TLE1: variants seen among roughly 807,000 people sequenced by gnomAD.
TLE1 encodes transducin-like enhancer protein 1.
TLE1 carries 21 observed loss-of-function variants against 89.8 expected under a neutral mutation model. The ratio of observed to expected loss-of-function variants is 0.23; its 90% CI spans 0.17 to 0.34. TLE1 has a LOEUF of 0.34. Ranked by LOEUF, TLE1 falls within the 10% of genes least tolerant of loss-of-function variation. The pLI, the probability that TLE1 is intolerant of heterozygous loss-of-function variation, is 1.00. For missense variants in TLE1, 795 were observed against 1,031.2 expected (o/e 0.77, Z 3.14); for synonymous variants, 447 against 407.6 (o/e 1.10, Z -1.16).
chr9:81,640,709 T>G (rs935588863), intron 6 of TLE1, among the ~76,000 whole-genome samples: 1 of 152,182 alleles, frequency 6.6e-6, no homozygotes, highest in South Asian at 2.1e-4. Flanking sequence ...TTGGGTCAAT[T>G]ATATTACTAT....
intron 14 of TLE1, 21 bp downstream of exon 14, chr9:81,610,199 C>A (rs1823518112): frequency 6.2e-7 from 1 of 1,608,520 alleles, no homozygotes; most frequent in Non-Finnish European, 8.5e-7. Context: ...AAAACAAAAC[C>A]AAGGTCTTTG....
rs768323292 is a variant in TLE1 at position 81,584,192 on chromosome 9, A to G, written c.*6T>C. 5.0e-6 allele frequency: 8 copies of G among 1,610,414 alleles called. No individual in the cohort carries two copies. The highest frequency in any genetic ancestry group is 6.8e-6 in the Non-Finnish European group (8 of 1,176,734). On this transcript the variant is annotated 3_prime_UTR_variant, in exon 20 of 20. Coordinates refer to ENST00000376499, the MANE Select transcript of TLE1 (RefSeq NM_005077.5). ...TCAACTATAAACGTTAAACCACATA[A>G]TGTTTTCAGTAGATGACTTCATAGA...
At position 81,634,210 on chromosome 9, in the gene TLE1, A is replaced by G; in HGVS notation, c.464T>C (p.Ile155Thr). The change falls in exon 7 of 20, where the codon ATC (isoleucine) becomes ACC (threonine). Residue 155 changes from isoleucine (I) to threonine (T), a missense_variant. Transcript: ENST00000376499. ...PHPSGLQPPGIPPLGGSAGLL... is the reference protein window; with the variant it reads ...PHPSGLQPPGTPPLGGSAGLL... ...GCCGGCACTGCCCCCGAGGGGCGGG[A>G]TTCCAGGAGGCTGAAGTCCCGAAGG... 1 of 1,590,768 alleles carries G rather than the reference A, an allele frequency of 6.3e-7. No homozygotes were observed. Among genetic ancestry groups the G allele is most frequent in the Non-Finnish European group, 8.6e-7 (1 of 1,166,890 alleles).
intron 4 of TLE1, among the ~76,000 whole-genome samples, chr9:81,669,675 C>T (rs573803075): frequency 6.6e-6 from 1 of 152,242 alleles, no homozygotes; most frequent in East Asian, 1.9e-4. Context: ...CTGCGCATTG[C>T]TGCTAAATAA....
intron 4 of TLE1, among the ~76,000 whole-genome samples, chr9:81,664,854 T>TG (rs1464173425): frequency 6.6e-6 from 1 of 152,192 alleles, no homozygotes; most frequent in African/African-American, 2.4e-5. Flanking sequence ...GAGTTCCTGT[T>TG]GGAGTCTAGG....
intron 7 of TLE1, 54 bp downstream of exon 7, chr9:81,634,043 A>C: frequency 6.5e-7 from 1 of 1,545,926 alleles, no homozygotes; most frequent in African/African-American, 1.4e-5. Context: ...ACAACTTTGC[A>C]GCACTGTAAG....
chr9:81,587,910 G>GTGTGTGTGTGTGTGTGTGTCATCCCACC, intron 16 of TLE1, 82 bp from the exon 17 acceptor site: 1 of 797,606 alleles, frequency 1.3e-6, no homozygotes, highest in East Asian at 3.2e-5. Flanking sequence ...TTTGGACCGT[G>GTGTGTGTGTGTGTGTGTGTCATCCCACC]TGTGTGTGTG....
At chr9:81,585,729 T>C in intron 17 of TLE1, 74 bp from the exon 18 acceptor site, 1 of 1,553,152 alleles carries the variant, frequency 6.4e-7, no homozygotes, top group Non-Finnish European at 8.7e-7. Context: ...ATGTGAAAAG[T>C]GGGGAAATAG....
intron 14 of TLE1, 112 bp downstream of exon 14, chr9:81,610,108 G>C (rs2132041238): frequency 1.1e-6 from 1 of 922,928 alleles, no homozygotes; most frequent in Non-Finnish European, 1.7e-6. Context: ...AAAGACACCA[G>C]AAATCTCCTT....
intron 11 of TLE1, among the ~76,000 whole-genome samples, chr9:81,615,081 CAAAAAAAAAAAAAAAAAAAAAAA>C (rs34947337): frequency 0.075 from 1,892 of 25,166 alleles, 83 homozygotes; most frequent in Non-Finnish European, 0.098. Context: ...GACTCCATCT[CAAAAAAAAAAAAAAAAAAAAAAA>C]AAAAAAAAAA....
intron 14 of TLE1, among the ~76,000 whole-genome samples, chr9:81,604,916 T>C (rs183196057): frequency 9.3e-4 from 142 of 152,212 alleles, no homozygotes; most frequent in African/African-American, 3.4e-3. Flanking sequence ...TCTTTACATG[T>C]CTCCCTATCA....
At chr9:81,623,950 G>T (rs1446827457) in intron 8 of TLE1, among the ~76,000 whole-genome samples, 1 of 152,048 alleles carries the variant, frequency 6.6e-6, no homozygotes, top group African/African-American at 2.4e-5. Context: ...GGAGGACTAG[G>T]ATGTCCAGAG....
chr9:81,610,801 C>G (rs1326059764), intron 13 of TLE1, among the ~76,000 whole-genome samples: 1 of 123,450 alleles, frequency 8.1e-6, no homozygotes, highest in South Asian at 2.8e-4. Context: ...TATCAAATGT[C>G]CTCAAGGGAC....
chr9:81,651,812 T>C (rs2132621671), intron 6 of TLE1, among the ~76,000 whole-genome samples: 1 of 152,082 alleles, frequency 6.6e-6, no homozygotes, highest in Admixed American at 6.5e-5. Context: ...ACTACATTTA[T>C]TTTCCCACTT....
chr9:81,651,015 T>G (rs932535988), intron 6 of TLE1, among the ~76,000 whole-genome samples: 8 of 151,350 alleles, frequency 5.3e-5, no homozygotes, highest in Non-Finnish European at 1.2e-4. Flanking sequence ...GGCTCTTATG[T>G]TTTTTCTCCA....
chr9:81,590,273 C>A (rs1829291886), intron 16 of TLE1, among the ~76,000 whole-genome samples: 1 of 152,224 alleles, frequency 6.6e-6, no homozygotes, highest in Non-Finnish European at 1.5e-5. Context: ...TGCCAGAAGG[C>A]CAGGCAGAGC....
intron 4 of TLE1, among the ~76,000 whole-genome samples, chr9:81,659,144 G>A (rs1322524102): frequency 6.6e-6 from 1 of 151,990 alleles, no homozygotes; most frequent in Non-Finnish European, 1.5e-5. Flanking sequence ...CCTGATCCTC[G>A]TGATCCGCCC....
intron 14 of TLE1, among the ~76,000 whole-genome samples, chr9:81,608,190 T>C (rs563441501): frequency 7.3e-5 from 11 of 151,446 alleles, no homozygotes; most frequent in African/African-American, 2.7e-4. Flanking sequence ...AGGAGGACTG[T>C]GTGAAGCCAG....
chr9:81,585,462 T>C, intron 18 of TLE1, 43 bp downstream of exon 18: 2 of 1,591,672 alleles, frequency 1.3e-6, no homozygotes, highest in Admixed American at 3.5e-5. Context: ...CATTTTCCAT[T>C]TGGGCCATCA....
Sources: allele counts gnomAD v4.1 joint callset (sites outside exome capture counted in the v4.1 genomes callset), GRCh38; gene constraint gnomAD v4.1.1; transcripts MANE v1.5; gene names NCBI Gene and HGNC (gene_info 2026-07-23, HGNC 2026-07-21).